USH2A: variants seen among roughly 807,000 people sequenced by gnomAD.
The protein encoded by USH2A is Usher syndrome 2A (autosomal recessive, mild).
In USH2A, 443 loss-of-function variants were observed where a neutral mutation model predicts 538.9. That is an observed-to-expected ratio of 0.82 (90% CI 0.76 to 0.89). The LOEUF is 0.89. Among genes scored for constraint, USH2A ranks in the 40% least tolerant of loss-of-function variants. The pLI is 0.00. For missense variants in USH2A, 6,633 were observed against 6,324.8 expected, an observed-to-expected ratio of 1.05 and a Z score of -1.65; for synonymous variants, 2,413 against 2,273.5, an observed-to-expected ratio of 1.06 and a Z score of -1.75.
chr1:215,766,856 A>G (rs1661147051), intron 55 of USH2A, 68 bp from the exon 56 acceptor site: 6 of 1,386,828 alleles, frequency 4.3e-6, no homozygotes, highest in Non-Finnish European at 6.1e-6. Context: ...AAGTACCAGA[A>G]GTAACATGCA....
At chr1:215,632,045 CTTCT>C (rs1656298681) in intron 70 of USH2A, among the ~76,000 whole-genome samples, 1 of 151,388 alleles carries the variant, frequency 6.6e-6, no homozygotes, top group Non-Finnish European at 1.5e-5. Context: ...GTGCATCAGA[CTTCT>C]TTTTTTGTTT....
At chr1:216,100,051 A>C (rs767463486) in intron 21 of USH2A, among the ~76,000 whole-genome samples, 79 of 152,208 alleles carry the variant, frequency 5.2e-4, no homozygotes, top group Admixed American at 8.5e-4. Context: ...AGATCAAGAT[A>C]ATATTGTAAA....
chr1:215,876,033 C>A (rs529665530), intron 43 of USH2A, among the ~76,000 whole-genome samples: 27 of 151,080 alleles, frequency 1.8e-4, no homozygotes, highest in Admixed American at 8.6e-4. Context: ...ATTATAAGTT[C>A]TTTGAGGTCA....
At chr1:215,861,279 T>C (rs1342920975) in intron 44 of USH2A, among the ~76,000 whole-genome samples, 1 of 152,236 alleles carries the variant, frequency 6.6e-6, no homozygotes, top group Non-Finnish European at 1.5e-5. Context: ...ATAATAGATA[T>C]ATTAATTATT....
chr1:216,150,365 AC>A (rs1456918241), intron 21 of USH2A, among the ~76,000 whole-genome samples: 3 of 148,912 alleles, frequency 2.0e-5, no homozygotes, highest in Non-Finnish European at 4.5e-5. Flanking sequence ...TTTTATACTC[AC>A]TCTTATTCTC....
chr1:215,879,360 C>A (rs181795306), intron 41 of USH2A, among the ~76,000 whole-genome samples: 1 of 152,292 alleles, frequency 6.6e-6, no homozygotes, highest in Non-Finnish European at 1.5e-5. Flanking sequence ...CACACCTTAG[C>A]GATTCATCGC....
At chr1:215,790,355 G>T (rs1661948160) in intron 50 of USH2A, 73 bp from the exon 51 acceptor site, 1 of 1,553,868 alleles carries the variant, frequency 6.4e-7, no homozygotes, top group Non-Finnish European at 8.8e-7. Flanking sequence ...TATAAAGTTT[G>T]GTATAAAAAT....
At chr1:216,256,975 T>C (rs2036272260) in intron 11 of USH2A, among the ~76,000 whole-genome samples, 1 of 151,994 alleles carries the variant, frequency 6.6e-6, no homozygotes, top group Non-Finnish European at 1.5e-5. Flanking sequence ...TTAATTATTG[T>C]GTTATTACTG....
At chr1:215,786,924 T>C (rs761758814) in intron 51 of USH2A, 50 bp from the exon 52 acceptor site, 3 of 1,573,874 alleles carry the variant, frequency 1.9e-6, no homozygotes, top group South Asian at 2.2e-5. Flanking sequence ...AAAAATTTCA[T>C]TTAGACATAC....
intron 2 of USH2A, among the ~76,000 whole-genome samples, chr1:216,419,567 T>C (rs1571802761): frequency 6.6e-6 from 1 of 152,190 alleles, no homozygotes; most frequent in East Asian, 1.9e-4. Flanking sequence ...TTGAGGGGTC[T>C]CACTTTGTGC....
At chr1:216,370,335 TG>T (rs1481400378) in intron 3 of USH2A, among the ~76,000 whole-genome samples, 3 of 151,520 alleles carry the variant, frequency 2.0e-5, no homozygotes, top group African/African-American at 7.3e-5. Context: ...CACTCCAGCC[TG>T]GGCGACAGAG....
At chr1:216,203,965 T>C (rs2035054772) in intron 16 of USH2A, 1 of 162,084 alleles carries the variant, frequency 6.2e-6, no homozygotes, top group Non-Finnish European at 1.5e-5. Context: ...AGTCAGGGTG[T>C]AGGGAGCAAA....
At chr1:216,412,296 C>A (rs764258929) in intron 3 of USH2A, among the ~76,000 whole-genome samples, 1 of 152,028 alleles carries the variant, frequency 6.6e-6, no homozygotes, top group Non-Finnish European at 1.5e-5. Context: ...ATGCAAAAAA[C>A]GTACAGAGAA....
chr1:215,731,546 T>C (rs751216258), intron 60 of USH2A, among the ~76,000 whole-genome samples: 3 of 152,206 alleles, frequency 2.0e-5, no homozygotes, highest in Non-Finnish European at 2.9e-5. Flanking sequence ...ATTTGGGAGA[T>C]ACTTCAGGAA....
chr1:216,141,571 C>A (rs1017238495), intron 21 of USH2A, among the ~76,000 whole-genome samples: 2 of 152,158 alleles, frequency 1.3e-5, no homozygotes, highest in African/African-American at 4.8e-5. Context: ...TGGGTCTTTC[C>A]TTGGTAACAT....
intron 29 of USH2A, among the ~76,000 whole-genome samples, chr1:216,071,389 G>T (rs556527533): frequency 6.6e-6 from 1 of 152,310 alleles, no homozygotes; most frequent in African/African-American, 2.4e-5. Context: ...TGCAAGGAAA[G>T]GGACAATGGG....
At position 216,200,023 on chromosome 1, in the gene USH2A, C is replaced by G; in HGVS notation, c.3415G>C (p.Val1139Leu). 13 of 1,613,826 alleles carry G rather than the reference C, an allele frequency of 8.1e-6. No homozygotes were observed. The highest frequency in any genetic ancestry group is 1.1e-5 in the Non-Finnish European group (13 of 1,179,982). Residue 1139 changes from valine (V) to leucine (L), a missense_variant, in exon 17 of 72, where the codon GTC (valine) becomes CTC (leucine). Transcript: ENST00000307340. ...NVHGSTRSVA[V>L]TYKTKPGVPE... ...ACCCCTGGTTTTGTCTTGTAAGTGA[C>G]AGCTACACTCCTTGTTGAACCATGC...
At chr1:216,061,759 C>T (rs146632549) in intron 30 of USH2A, among the ~76,000 whole-genome samples, 6 of 152,096 alleles carry the variant, frequency 3.9e-5, no homozygotes, top group African/African-American at 7.2e-5. Flanking sequence ...ATACCTAAAA[C>T]GAGACCAGGC....
At chr1:215,806,364 T>G (rs1348473659) in intron 49 of USH2A, among the ~76,000 whole-genome samples, 1 of 151,994 alleles carries the variant, frequency 6.6e-6, no homozygotes, top group African/African-American at 2.4e-5. Context: ...AGTCTCTTTC[T>G]GTAACTCCCA....
Sources: allele counts gnomAD v4.1 joint callset (sites outside exome capture counted in the v4.1 genomes callset), GRCh38; gene constraint gnomAD v4.1.1; transcripts MANE v1.5; gene names NCBI Gene and HGNC (gene_info 2026-07-23, HGNC 2026-07-21).